DNAJB5: variants seen among roughly 807,000 people sequenced by gnomAD.
DNAJB5 encodes DnaJ heat shock protein family (Hsp40) member B5, also known as dnaJ homolog subfamily B member 5.
DNAJB5 carries 12 observed loss-of-function variants against 32.6 expected under a neutral mutation model. That is an observed-to-expected ratio of 0.37 (90% confidence interval 0.24 to 0.60). The LOEUF (loss-of-function observed/expected upper bound fraction) is 0.60, where lower values mean the gene tolerates loss of function less well. DNAJB5 is among the 20% of genes least tolerant of loss of function. The probability of loss-of-function intolerance (pLI) is 0.71; values close to 1 mark genes in which losing one functional copy is unlikely to be tolerated. For synonymous variants in DNAJB5, 188 were observed against 212.9 expected (o/e 0.88, Z 1.02); for missense variants, 358 against 554.2 (o/e 0.65, Z 3.55).
rs1827816912 is a variant in DNAJB5, at chr9:34,996,989, C to G, written c.1030-37C>G. The G allele has an allele frequency of 6.2e-7, 1 of 1,606,456 alleles. No homozygotes were observed. Among genetic ancestry groups the G allele is most frequent in the Non-Finnish European group, 8.5e-7 (1 of 1,178,676 alleles). On this transcript the variant is annotated intron_variant, in intron 4 of 4. Transcript: ENST00000682809. The surrounding 1 kb of genome is among the most constrained non-coding windows in gnomAD (Gnocchi z 7.2). ...TTTCCTTCCTTCCCACTCACCTTAC[C>G]CCACCTTTTCCTCACTTTCTGCTTC...
intron 3 of DNAJB5, among the ~76,000 whole-genome samples, chr9:34,995,434 G>C (rs980207150): frequency 2.6e-5 from 4 of 152,148 alleles, no homozygotes; most frequent in East Asian, 1.9e-4. Context: ...ACCTGACAGA[G>C]AGAGCAGCTA....
intron 3 of DNAJB5, among the ~76,000 whole-genome samples, chr9:34,994,792 G>A (rs1362304232): frequency 2.6e-5 from 4 of 152,162 alleles, no homozygotes; most frequent in Non-Finnish European, 5.9e-5. Context: ...GCCTTAAGGG[G>A]ACCTCCATGG....
At chr9:34,992,831 C>G (rs1201487573) in intron 2 of DNAJB5, 1 of 1,065,888 alleles carries the variant, frequency 9.4e-7, no homozygotes, top group African/African-American at 1.7e-5. Context: ...TTACACTGAC[C>G]TTCGCCAGCT....
At chr9:34,994,271 TCTC>T (rs1433062644) in intron 3 of DNAJB5, among the ~76,000 whole-genome samples, 3 of 152,114 alleles carry the variant, frequency 2.0e-5, no homozygotes, top group Admixed American at 6.5e-5. Context: ...TCTTTCACAT[TCTC>T]CTCCTCTTCA....
intron 2 of DNAJB5, chr9:34,992,786 C>T (rs1026800446): frequency 3.2e-5 from 33 of 1,018,402 alleles, no homozygotes; most frequent in Middle Eastern, 4.9e-4. Flanking sequence ...TGAGGCGTGG[C>T]GTAGGAGACC....
intron 2 of DNAJB5, chr9:34,991,801 G>A (rs528571976): frequency 3.4e-5 from 7 of 205,526 alleles, no homozygotes; most frequent in East Asian, 1.4e-4. Flanking sequence ...CCTTTTCTTC[G>A]TCAGAGAAAG....
Position 34,990,087 on chromosome 9 carries a change from G to A in DNAJB5, c.-133+256G>A. On this transcript the variant is annotated intron_variant, in intron 1 of 4. Transcript: ENST00000682809. This position sits in a 1 kb window ranked among gnomAD's most constrained non-coding sequence, Gnocchi z 4.5. The stretch of plus-strand genomic sequence containing the variant: ...CGGACCAGATTGGGTTCTGTGGGGC[G>A]GAGGCATCTGTGAGCAGACCAGCCA... The A allele has an allele frequency of 4.2e-6, 3 of 721,514 alleles. No homozygotes were observed. The highest frequency in any genetic ancestry group is 3.6e-5 in the African/African-American group (2 of 55,844). 44.7% of individuals were successfully genotyped at this position (721,514 alleles called of 1,614,324 possible). A position where few individuals can be genotyped will look rare whatever the true frequency, so the allele number is the denominator to read the frequency against.
chr9:34,990,673 C>A lies in DNAJB5; in HGVS notation c.43C>A (p.Pro15Thr). 1.3e-6 allele frequency: 2 copies of A among 1,551,700 alleles called. No individual in the cohort carries two copies. Among genetic ancestry groups the A allele is most frequent in the Non-Finnish European group, 1.7e-6 (2 of 1,147,000 alleles). Residue 15 changes from proline to threonine, a missense_variant, in exon 2 of 5, where the codon CCC (proline) becomes ACC (threonine). By Grantham distance (38) the Pro-to-Thr change is conservative. Coordinates refer to ENST00000682809, the MANE Select transcript of DNAJB5 (RefSeq NM_001349723.3). The surrounding 1 kb of genome is among the most constrained non-coding windows in gnomAD (Gnocchi z 4.5). ...TVLSCPPPAA[P>T]PLQARGAFRS... ...GCTCTCCTGCCCACCCCCAGCAGCA[C>A]CCCCACTGCAGGCCCGAGGAGCTTT...
Position 34,997,401 on chromosome 9 carries a change from G to A in DNAJB5, c.*142G>A, listed in dbSNP as rs1827831355. 1 of 961,294 alleles carries A rather than the reference G, an allele frequency of 1.0e-6. No homozygotes were observed. Among genetic ancestry groups the A allele is most frequent in the Non-Finnish European group, 1.6e-6 (1 of 616,436 alleles). 59.5% of individuals were successfully genotyped at this position (961,294 alleles called of 1,614,324 possible). On this transcript the variant is annotated 3_prime_UTR_variant, in exon 5 of 5. Coordinates refer to ENST00000682809, the MANE Select transcript of DNAJB5 (RefSeq NM_001349723.3). This position sits in a 1 kb window ranked among gnomAD's most constrained non-coding sequence, Gnocchi z 4.1. ...AAAAGCCACTGGTTTTCAGGAAAAT[G>A]TTCCTGTCCCTGACCCCTTTTAGAG...
In DNAJB5 at chr9:34,997,927, G is replaced by A. The variant is rs186297201; in HGVS notation, c.*668G>A. The A allele has an allele frequency of 5.7e-6, 1 of 176,836 alleles. No homozygotes were observed. The highest frequency in any genetic ancestry group is 1.5e-4 in the East Asian group (1 of 6,786). The allele number at this position is 176,836 out of a possible 1,614,324, so 11.0% of individuals were successfully genotyped here. A position where few individuals can be genotyped will look rare whatever the true frequency, so the allele number is the denominator to read the frequency against. Reference sequence around the variant, plus strand: ...CCCTGCCTACACCTGCAGAGCTGGAGGTTCTGTCCTCCCTGCTGCTCTCAG... The same window carrying A: ...CCCTGCCTACACCTGCAGAGCTGGAAGTTCTGTCCTCCCTGCTGCTCTCAG... On this transcript the variant is annotated 3_prime_UTR_variant, in exon 5 of 5. Transcript: ENST00000682809. The surrounding 1 kb of genome is among the most constrained non-coding windows in gnomAD (Gnocchi z 4.1).
downstream of DNAJB5, chr9:34,998,596 T>C (rs1827865373): frequency 6.6e-6 from 1 of 152,052 alleles, no homozygotes; most frequent in East Asian, 1.9e-4. Context: ...CTAAAACTTA[T>C]ACTTCAAACA....
chr9:34,993,222 C>A lies in DNAJB5; in HGVS notation c.205C>A (p.Pro69Thr). Reference protein sequence around the residue: ...KFRNKETSAGPVAVMGKDYYK... With the variant: ...KFRNKETSAGTVAVMGKDYYK... ...CAGAAACAAGGAGACCAGTGCTGGTCCAGTGGCTGTGATGGGAAAAGATTA... is the reference window on the plus strand; with the variant it reads ...CAGAAACAAGGAGACCAGTGCTGGTACAGTGGCTGTGATGGGAAAAGATTA... The change falls in exon 3 of 5, where the codon CCA becomes ACA. Residue 69 changes from proline (P) to threonine (T), a missense_variant. Transcript: ENST00000682809. The surrounding 1 kb of genome is among the most constrained non-coding windows in gnomAD (Gnocchi z 4.7). The A allele has an allele frequency of 6.2e-7, 1 of 1,613,916 alleles. No homozygotes were observed. The highest frequency in any genetic ancestry group is 8.5e-7 in the Non-Finnish European group (1 of 1,179,960).
rs1827831803 is a variant in DNAJB5 at position 34,997,415 on chromosome 9, C to A, written c.*156C>A. On this transcript the variant is annotated 3_prime_UTR_variant, in exon 5 of 5. Transcript: ENST00000682809. This position sits in a 1 kb window ranked among gnomAD's most constrained non-coding sequence, Gnocchi z 4.1. The stretch of plus-strand genomic sequence containing the variant: ...TTCAGGAAAATGTTCCTGTCCCTGA[C>A]CCCTTTTAGAGCTGGGCTGCCTGGG... The A allele has an allele frequency of 2.3e-6, 2 of 869,622 alleles. No individual in the cohort carries two copies. Among genetic ancestry groups the A allele is most frequent in the Non-Finnish European group, 3.7e-6 (2 of 536,324 alleles). 53.9% of individuals were successfully genotyped at this position (869,622 alleles called of 1,614,324 possible). A position where few individuals can be genotyped will look rare whatever the true frequency, so the allele number is the denominator to read the frequency against.
At chr9:34,998,695 T>C (rs1047371716), downstream of DNAJB5, 1 of 152,170 alleles carries the variant, frequency 6.6e-6, no homozygotes, top group Non-Finnish European at 1.5e-5. Flanking sequence ...ACAGAGACCA[T>C]TGTCTTCAGA....
chr9:34,993,015 T>C lies in DNAJB5; in HGVS notation c.183-185T>C. ...AGGACGGAATCACAGAATTCTAGAA[T>C]GTCAGAGCCAGAAGAGATCATCTAG... On this transcript the variant is annotated intron_variant, in intron 2 of 4. Coordinates refer to ENST00000682809, the MANE Select transcript of DNAJB5 (RefSeq NM_001349723.3). This position sits in a 1 kb window ranked among gnomAD's most constrained non-coding sequence, Gnocchi z 4.7. The C allele has an allele frequency of 7.0e-7, 1 of 1,420,806 alleles. No homozygotes were observed. Among genetic ancestry groups the C allele is most frequent in the Non-Finnish European group, 9.1e-7 (1 of 1,093,028 alleles). The allele number at this position is 1,420,806 out of a possible 1,614,324, so 88.0% of individuals were successfully genotyped here.
At position 34,990,815 on chromosome 9, in the gene DNAJB5, A is replaced by C; in HGVS notation, c.182+3A>C. ...CTGAATGGGTTTGTAAAGTTTCGGT[A>C]AGTCCCTCCGGAGAAGGGCACTCAC... On this transcript the variant is annotated splice_donor_region_variant and intron_variant, in intron 2 of 4. Coordinates refer to ENST00000682809, the MANE Select transcript of DNAJB5 (RefSeq NM_001349723.3). The surrounding 1 kb of genome is among the most constrained non-coding windows in gnomAD (Gnocchi z 4.5). The C allele has an allele frequency of 6.5e-7, 1 of 1,548,934 alleles. No homozygotes were observed. Among genetic ancestry groups the C allele is most frequent in the Non-Finnish European group, 8.7e-7 (1 of 1,145,722 alleles).
chr9:34,989,937 G>T, intron 1 of DNAJB5, 106 bp downstream of exon 1: 1 of 1,258,166 alleles, frequency 7.9e-7, no homozygotes, highest in Non-Finnish European at 1.0e-6. Flanking sequence ...AGGCTCTGCT[G>T]CCTTGGGGAT....
chr9:34,998,812 T>C (rs1452001134), downstream of DNAJB5: 1 of 144,750 alleles, frequency 6.9e-6, no homozygotes, highest in South Asian at 2.3e-4. Context: ...TGGAGAACTT[T>C]TTTTTTTTTT....
rs1274577733 is a variant in DNAJB5, at chr9:34,990,800, T to G, written c.170T>G (p.Phe57Cys). ...CTTCGAGCGTGGACGCTGAATGGGT[T>G]TGTAAAGTTTCGGTAAGTCCCTCCG... Reference protein sequence around the residue: ...LKLRAWTLNGFVKFRNKETSA... With the variant: ...LKLRAWTLNGCVKFRNKETSA... Residue 57 changes from phenylalanine to cysteine, a missense_variant, in exon 2 of 5, where the codon TTT becomes TGT. Transcript: ENST00000682809. This position sits in a 1 kb window ranked among gnomAD's most constrained non-coding sequence, Gnocchi z 4.5. The G allele has an allele frequency of 6.4e-7, 1 of 1,551,134 alleles. No individual in the cohort carries two copies. Among genetic ancestry groups the G allele is most frequent in the Admixed American group, 2.0e-5 (1 of 50,966 alleles).
Sources: gnomAD v4.1 joint callset for allele counts (sites outside exome capture counted in the v4.1 genomes callset) on GRCh38, gnomAD v4.1.1 for gene constraint, Gnocchi (gnomAD v3.1) non-coding constraint, MANE v1.5 for transcripts, NCBI Gene and HGNC (gene_info 2026-07-23, HGNC 2026-07-21) for gene names.